Variants in PCNT observed in about 807,000 individuals in gnomAD.
PCNT encodes kendrin.
In PCNT, 319 loss-of-function variants were observed where a neutral mutation model predicts 380.4. The ratio of observed to expected loss-of-function variants is 0.84; its 90% CI spans 0.77 to 0.92. The LOEUF (loss-of-function observed/expected upper bound fraction) is 0.92, where lower values mean the gene tolerates loss of function less well. Ranked by LOEUF, PCNT falls within the 40% of genes least tolerant of loss-of-function variation. The probability of loss-of-function intolerance (pLI) is 0.00; values close to 1 mark genes in which losing one functional copy is unlikely to be tolerated. For synonymous variants in PCNT, 1,845 were observed against 1,735.2 expected (o/e 1.06, Z -1.57); for missense variants, 4,400 against 4,255.3 (o/e 1.03, Z -0.95).
chr21:46,414,765 C>T (rs1214760237), intron 29 of PCNT, among the ~76,000 whole-genome samples: 2 of 92,418 alleles, frequency 2.2e-5, no homozygotes, highest in African/African-American at 8.9e-5. Context: ...AGCCGCCCAC[C>T]CTCCTCCTGG....
chr21:46,414,660 AC>A (rs1345731049), intron 29 of PCNT, among the ~76,000 whole-genome samples: 1 of 65,202 alleles, frequency 1.5e-5, no homozygotes, highest in Non-Finnish European at 3.0e-5. Context: ...ACATGCAGCC[AC>A]CCACCCTGCT....
At chr21:46,341,933 A>G (rs2083920485) in intron 3 of PCNT, among the ~76,000 whole-genome samples, 1 of 124,410 alleles carries the variant, frequency 8.0e-6, no homozygotes, top group Non-Finnish European at 1.6e-5. Flanking sequence ...CCTGCTTTAC[A>G]TGCTTTTTAC....
At chr21:46,436,677 CT>C (rs2053464547) in intron 39 of PCNT, among the ~76,000 whole-genome samples, 2 of 152,294 alleles carry the variant, frequency 1.3e-5, no homozygotes, top group Non-Finnish European at 2.9e-5. Flanking sequence ...CAAAGTTTCA[CT>C]TAGGACAGCA....
At chr21:46,330,368 C>T (rs1421726317) in intron 2 of PCNT, among the ~76,000 whole-genome samples, 1 of 152,164 alleles carries the variant, frequency 6.6e-6, no homozygotes, top group Non-Finnish European at 1.5e-5. Flanking sequence ...ATTCTCCCAC[C>T]TCGGCCTCCC....
At chr21:46,442,354 AC>A in intron 43 of PCNT, 142 bp from the exon 44 acceptor site, 1 of 698,576 alleles carries the variant, frequency 1.4e-6, no homozygotes, top group Non-Finnish European at 2.6e-6. Context: ...GCCCGAGTCA[AC>A]AGACTGGCCG....
chr21:46,419,019 C>G (rs867783289), intron 31 of PCNT, among the ~76,000 whole-genome samples: 13 of 152,320 alleles, frequency 8.5e-5, no homozygotes, highest in African/African-American at 2.9e-4. Context: ...CTTGGTTGCC[C>G]TGGCCCGCAT....
intron 1 of PCNT, among the ~76,000 whole-genome samples, chr21:46,325,518 T>C (rs796938123): frequency 2.6e-4 from 40 of 152,354 alleles, no homozygotes; most frequent in African/African-American, 8.7e-4. Context: ...AGGTTGACTT[T>C]GAAGGAAATA....
chr21:46,376,509 G>T (rs2085336778), intron 15 of PCNT, among the ~76,000 whole-genome samples: 1 of 152,252 alleles, frequency 6.6e-6, no homozygotes, highest in African/African-American at 2.4e-5. Context: ...CGTCCACTGT[G>T]TCTGAGCATG....
intron 38 of PCNT, 71 bp downstream of exon 38, chr21:46,432,286 T>A: frequency 6.9e-7 from 1 of 1,440,248 alleles, no homozygotes. Flanking sequence ...ATGGTTCACG[T>A]GGGGGACGCG....
intron 27 of PCNT, among the ~76,000 whole-genome samples, chr21:46,408,968 C>T (rs2086700010): frequency 6.6e-6 from 1 of 151,976 alleles, no homozygotes; most frequent in Non-Finnish European, 1.5e-5. Context: ...TGGTGACCCA[C>T]CTGCCTCGGC....
chr21:46,423,501 T>A (rs1188163003), intron 32 of PCNT, among the ~76,000 whole-genome samples: 3 of 151,884 alleles, frequency 2.0e-5, no homozygotes, highest in African/African-American at 7.3e-5. Flanking sequence ...CAAATTTTTA[T>A]ACAATATAAA....
At chr21:46,418,073 A>C in intron 30 of PCNT, 131 bp from the exon 31 acceptor site, 1 of 669,434 alleles carries the variant, frequency 1.5e-6, no homozygotes, top group Admixed American at 2.4e-5. Context: ...TGTGTTCACC[A>C]GTTTTGAGTT....
At chr21:46,328,606 G>T (rs143869365) in intron 2 of PCNT, among the ~76,000 whole-genome samples, 1 of 151,890 alleles carries the variant, frequency 6.6e-6, no homozygotes, top group South Asian at 2.1e-4. Flanking sequence ...GATTGCAGGC[G>T]CCTGCCACCA....
chr21:46,400,125 C>T (rs137973910), intron 25 of PCNT, among the ~76,000 whole-genome samples: 129 of 152,314 alleles, frequency 8.5e-4, no homozygotes, highest in Middle Eastern at 6.8e-3. Flanking sequence ...TTATTAAATA[C>T]TTTGATGAGA....
At chr21:46,332,755 C>CT (rs773689319) in intron 2 of PCNT, among the ~76,000 whole-genome samples, 1 of 152,220 alleles carries the variant, frequency 6.6e-6, no homozygotes, top group Non-Finnish European at 1.5e-5. Context: ...AAAGTCGACA[C>CT]TGTCATGTTT....
At position 46,388,877 on chromosome 21, in the gene PCNT, G is replaced by T. The variant is rs367562562; in HGVS notation, c.3600G>T (p.Leu1200=). The T allele has an allele frequency of 1.9e-6, 3 of 1,601,824 alleles. No homozygotes were observed. The highest frequency in any genetic ancestry group is 1.3e-5 in the African/African-American group (1 of 74,834). Reference sequence around the variant, plus strand: ...ATGACGCGGGCGCAGGCCTGGCCCTGTCGACAGGTGAGTGTGCCGGGACCA... The same window carrying T: ...ATGACGCGGGCGCAGGCCTGGCCCTTTCGACAGGTGAGTGTGCCGGGACCA... ...CLDDAGAGLA[L]STAPALEETW... Residue 1200 remains leucine, a synonymous_variant, in exon 18 of 47, where the codon CTG becomes CTT. Transcript: ENST00000359568. The surrounding 1 kb of genome is among the most constrained non-coding windows in gnomAD (Gnocchi z 4.2).
intron 25 of PCNT, among the ~76,000 whole-genome samples, chr21:46,400,129 G>A (rs944242324): frequency 6.6e-6 from 1 of 152,210 alleles, no homozygotes; most frequent in African/African-American, 2.4e-5. Flanking sequence ...TAAATACTTT[G>A]ATGAGAGCCC....
chr21:46,389,307 G>A lies in PCNT; in HGVS notation c.3716G>A (p.Arg1239His), dbSNP rs201315836. ...GTGGCTGAAATTAGCAGCCACATGC[G>A]TGAAAGCTTTCTCATGAGCCCAGAA... Reference protein sequence around the residue: ...SSVAEISSHMRESFLMSPESV... With the variant: ...SSVAEISSHMHESFLMSPESV... Residue 1239 changes from arginine to histidine, a missense_variant, in exon 19 of 47, where the codon CGT (arginine) becomes CAT (histidine). By Grantham distance (29) the Arg-to-His change is conservative. Transcript: ENST00000359568. The A allele has an allele frequency of 1.3e-4, 217 of 1,614,252 alleles. No homozygotes were observed. The East Asian group carries it at 4.6e-3, about 34-fold the overall frequency.
At chr21:46,429,885 C>T (rs1426018490) in intron 35 of PCNT, 125 bp from the exon 36 acceptor site, 1 of 737,294 alleles carries the variant, frequency 1.4e-6, no homozygotes, top group Non-Finnish European at 2.3e-6. Context: ...TTCTAGTCCA[C>T]AGAACCTCCT....
Sources: allele counts gnomAD v4.1 joint callset (sites outside exome capture counted in the v4.1 genomes callset), GRCh38; gene constraint gnomAD v4.1.1; non-coding constraint Gnocchi (gnomAD v3.1); transcripts MANE v1.5; gene names NCBI Gene and HGNC (gene_info 2026-07-23, HGNC 2026-07-21).